Variants in VWA8 observed in about 807,000 individuals in gnomAD.
VWA8 encodes von Willebrand factor A domain-containing protein 8.
VWA8 carries 221 observed loss-of-function variants against 241.5 expected under a neutral mutation model. The ratio of observed to expected loss-of-function variants is 0.91; its 90% CI spans 0.82 to 1.02. VWA8 has a LOEUF of 1.02. Ranked by LOEUF, VWA8 falls within the 50% of genes least tolerant of loss-of-function variation. VWA8 has a pLI of 0.00. For synonymous variants in VWA8, 852 were observed against 827.1 expected, an observed-to-expected ratio of 1.03 and a Z score of -0.52; for missense variants, 2,322 against 2,328.7, an observed-to-expected ratio of 1.00 and a Z score of 0.06.
chr13:41,629,760 A>C (rs2044714841), intron 37 of VWA8, among the ~76,000 whole-genome samples: 1 of 152,224 alleles, frequency 6.6e-6, no homozygotes, highest in African/African-American at 2.4e-5. Flanking sequence ...ATAACACATG[A>C]CAAAAATACC....
At chr13:41,774,149 TA>T (rs1215287356) in intron 20 of VWA8, among the ~76,000 whole-genome samples, 2 of 152,172 alleles carry the variant, frequency 1.3e-5, no homozygotes, top group Non-Finnish European at 2.9e-5. Flanking sequence ...TATTTATTAT[TA>T]TTTTTTTGAT....
At chr13:41,739,350 C>T (rs916865630) in intron 21 of VWA8, among the ~76,000 whole-genome samples, 1 of 152,114 alleles carries the variant, frequency 6.6e-6, no homozygotes, top group Non-Finnish European at 1.5e-5. Flanking sequence ...TTTAAACCTA[C>T]CAGGGGAGTC....
chr13:41,648,849 T>C (rs1406502583), intron 37 of VWA8, among the ~76,000 whole-genome samples: 1 of 152,242 alleles, frequency 6.6e-6, no homozygotes, highest in Non-Finnish European at 1.5e-5. Context: ...AGAGATAGTT[T>C]AAAATATTAG....
At chr13:41,943,489 C>T (rs1455313776) in intron 2 of VWA8, among the ~76,000 whole-genome samples, 2 of 152,022 alleles carry the variant, frequency 1.3e-5, no homozygotes, top group Non-Finnish European at 2.9e-5. Flanking sequence ...AGATTTCTGA[C>T]ACAATGAGCA....
chr13:41,714,580 A>G (rs2137841123), intron 26 of VWA8, among the ~76,000 whole-genome samples: 1 of 152,118 alleles, frequency 6.6e-6, no homozygotes, highest in African/African-American at 2.4e-5. Context: ...GATGGCTAGT[A>G]TACTTCTTAT....
intron 10 of VWA8, among the ~76,000 whole-genome samples, chr13:41,867,797 T>G (rs191526078): frequency 1.2e-4 from 18 of 152,220 alleles, no homozygotes; most frequent in African/African-American, 4.1e-4. Flanking sequence ...GGAGTATTGT[T>G]TGAGCTCAGG....
chr13:41,799,726 T>C (rs893611942), intron 17 of VWA8, among the ~76,000 whole-genome samples: 1 of 152,306 alleles, frequency 6.6e-6, no homozygotes, highest in Admixed American at 6.5e-5. Flanking sequence ...CTCCTTATTC[T>C]GGTATTGCTT....
chr13:41,955,623 G>A (rs945611711), intron 1 of VWA8, among the ~76,000 whole-genome samples: 7 of 152,142 alleles, frequency 4.6e-5, no homozygotes, highest in African/African-American at 1.7e-4. Context: ...TGGCAACAAT[G>A]CCCAAAGTTT....
intron 12 of VWA8, among the ~76,000 whole-genome samples, chr13:41,860,336 A>T (rs938205589): frequency 2.0e-5 from 3 of 152,234 alleles, no homozygotes; most frequent in Non-Finnish European, 4.4e-5. Context: ...CAGGACATCT[A>T]AAAGGTTGAC....
chr13:41,676,787 C>T (rs1162129630), intron 35 of VWA8, among the ~76,000 whole-genome samples: 1 of 152,038 alleles, frequency 6.6e-6, no homozygotes, highest in Non-Finnish European at 1.5e-5. Flanking sequence ...CACCCGCCAC[C>T]AAACCCAGCT....
intron 37 of VWA8, among the ~76,000 whole-genome samples, chr13:41,620,677 C>T (rs539292523): frequency 1.2e-4 from 19 of 152,304 alleles, no homozygotes; most frequent in Admixed American, 1.2e-3. Context: ...CCTGCCACAG[C>T]CCCAAGGACT....
intron 12 of VWA8, among the ~76,000 whole-genome samples, chr13:41,846,113 T>C (rs554534656): frequency 1.1e-4 from 17 of 152,116 alleles, no homozygotes; most frequent in African/African-American, 3.9e-4. Context: ...TAAGCACTAA[T>C]AGTGTACCAC....
At chr13:41,661,100 G>A (rs529551935) in intron 37 of VWA8, among the ~76,000 whole-genome samples, 2 of 152,120 alleles carry the variant, frequency 1.3e-5, no homozygotes, top group Admixed American at 6.5e-5. Context: ...TCTTGATCTT[G>A]TGATCCGCCC....
intron 20 of VWA8, 148 bp downstream of exon 20, chr13:41,777,837 A>T (rs935763820): frequency 1.0e-5 from 6 of 590,008 alleles, no homozygotes; most frequent in Admixed American, 1.0e-4. Context: ...GTAATTTTGA[A>T]GTTTAGAAGG....
intron 30 of VWA8, 68 bp downstream of exon 30, chr13:41,692,794 T>G: frequency 7.8e-7 from 1 of 1,282,024 alleles, no homozygotes; most frequent in South Asian, 1.2e-5. Flanking sequence ...TGGGCATGCA[T>G]GCATCTTTCT....
chr13:41,570,437 G>C (rs2044292652), intron 44 of VWA8, 31 bp downstream of exon 44: 1 of 1,582,928 alleles, frequency 6.3e-7, no homozygotes. Context: ...CTCTGTACCT[G>C]CCCTTTTCTG....
chr13:41,919,322 T>A (rs963480330), intron 2 of VWA8, among the ~76,000 whole-genome samples: 8 of 152,126 alleles, frequency 5.3e-5, no homozygotes, highest in Admixed American at 3.3e-4. Context: ...ATACCTGCAG[T>A]CTTTGCTACC....
chr13:41,761,822 C>T (rs1226880556), intron 20 of VWA8, among the ~76,000 whole-genome samples: 1 of 152,000 alleles, frequency 6.6e-6, no homozygotes, highest in East Asian at 1.9e-4. Context: ...AGTTGCTATC[C>T]TTTTGTAGAA....
intron 9 of VWA8, among the ~76,000 whole-genome samples, chr13:41,875,301 C>A (rs1461759333): frequency 1.3e-5 from 2 of 152,068 alleles, no homozygotes; most frequent in Admixed American, 6.6e-5. Flanking sequence ...AAACAAGACA[C>A]AAGGGTGCTC....
Sources: allele counts gnomAD v4.1 joint callset (sites outside exome capture counted in the v4.1 genomes callset), GRCh38; gene constraint gnomAD v4.1.1; transcripts MANE v1.5; gene names NCBI Gene and HGNC (gene_info 2026-07-23, HGNC 2026-07-21).